Variants in COA8 observed in about 807,000 individuals in gnomAD.
COA8 encodes the protein cytochrome c oxidase assembly factor 8.
In COA8, 20 loss-of-function variants were observed where a neutral mutation model predicts 22.0. The ratio of observed to expected loss-of-function variants is 0.91; its 90% CI spans 0.64 to 1.32. The LOEUF is 1.32. COA8 is among the 40% of genes most tolerant of loss of function. COA8 has a pLI of 0.00. For synonymous variants in COA8, 105 were observed against 79.9 expected (o/e 1.31, Z -1.68); for missense variants, 266 against 230.0 (o/e 1.16, Z -1.01).
At position 103,562,981 on chromosome 14, in the gene COA8, G is replaced by T; in HGVS notation, c.-21G>T. 1.3e-6 allele frequency: 2 copies of T among 1,528,528 alleles called. No individual in the cohort carries two copies. Among genetic ancestry groups the T allele is most frequent in the Middle Eastern group, 2.0e-4 (1 of 5,032 alleles). 94.7% of individuals were successfully genotyped at this position (1,528,528 alleles called of 1,614,324 possible). The stretch of plus-strand genomic sequence containing the variant: ...CGTCGCAATGCTGCCGTGCGCCGCG[G>T]GAGCCAGGGGGCGTGGGGCCATGGT... On this transcript the variant is annotated 5_prime_UTR_variant, in exon 1 of 5. It introduces an in-frame stop codon into an upstream open reading frame of the 5' UTR. Transcript: ENST00000409074.
At chr14:103,582,388 T>C (rs1045116869) in intron 3 of COA8, among the ~76,000 whole-genome samples, 1 of 151,248 alleles carries the variant, frequency 6.6e-6, no homozygotes, top group African/African-American at 2.4e-5. Flanking sequence ...CTCTTGCGTG[T>C]GGGTGAGCCT....
chr14:103,566,653 C>T (rs746224369), intron 1 of COA8, among the ~76,000 whole-genome samples: 2 of 152,224 alleles, frequency 1.3e-5, no homozygotes, highest in Admixed American at 6.5e-5. Flanking sequence ...CAGGCAGGAG[C>T]TCTGCATGCT....
intron 4 of COA8, among the ~76,000 whole-genome samples, chr14:103,588,933 TTC>T (rs1234523569): frequency 1.3e-5 from 2 of 152,218 alleles, no homozygotes; most frequent in African/African-American, 2.4e-5. Flanking sequence ...TGGATTCCAT[TTC>T]TAAGGTTGTC....
intron 1 of COA8, among the ~76,000 whole-genome samples, chr14:103,567,973 A>C (rs2076147240): frequency 6.6e-6 from 1 of 151,898 alleles, no homozygotes; most frequent in African/African-American, 2.4e-5. Flanking sequence ...TCCTTCTTTT[A>C]TATTGCTGGA....
chr14:103,586,788 C>CA (rs1285405403), intron 3 of COA8, among the ~76,000 whole-genome samples: 4 of 151,826 alleles, frequency 2.6e-5, no homozygotes, highest in Admixed American at 6.6e-5. Context: ...CAGCTGGTCT[C>CA]AAACTCCTGA....
intron 1 of COA8, among the ~76,000 whole-genome samples, chr14:103,568,577 GTGTA>G (rs1340048772): frequency 2.5e-4 from 21 of 84,370 alleles, no homozygotes; most frequent in South Asian, 8.9e-4. Context: ...ATACGTGTGT[GTGTA>G]TATATATATA....
rs200592416 is a variant in COA8, at chr14:103,563,516, AAGCGGCG to A, written c.123+396_123+402del. On this transcript the variant is annotated intron_variant, in intron 1 of 4. Transcript: ENST00000409074. ...GTTACAATTATTAGTGCTTTTCTTCAAGCGGCGAGCACTTTATCATCGTACTTTTGTA... is the reference window on the plus strand; with the variant it reads ...GTTACAATTATTAGTGCTTTTCTTCAAGCACTTTATCATCGTACTTTTGTA... 1,175 of 356,732 alleles carry A rather than the reference AAGCGGCG, an allele frequency of 3.3e-3. 13 individuals carry two copies. The highest frequency in any genetic ancestry group is 0.023 in the African/African-American group (1,088 of 46,698). 22.1% of individuals were successfully genotyped at this position (356,732 alleles called of 1,614,324 possible). A position where few individuals can be genotyped will look rare whatever the true frequency, so the allele number is the denominator to read the frequency against.
intron 4 of COA8, among the ~76,000 whole-genome samples, chr14:103,589,196 A>G (rs1282893300): frequency 6.6e-6 from 1 of 152,126 alleles, no homozygotes; most frequent in East Asian, 1.9e-4. Flanking sequence ...CATGTCATAG[A>G]ATCAGGTCGT....
intron 1 of COA8, among the ~76,000 whole-genome samples, chr14:103,568,450 CACATACAT>C (rs540646177): frequency 6.6e-6 from 1 of 151,792 alleles, no homozygotes; most frequent in Non-Finnish European, 1.5e-5. Context: ...TATATACACA[CACATACAT>C]ACATACATAC....
At chr14:103,584,672 C>G (rs930769900) in intron 3 of COA8, among the ~76,000 whole-genome samples, 4 of 152,108 alleles carry the variant, frequency 2.6e-5, no homozygotes, top group Non-Finnish European at 5.9e-5. Flanking sequence ...TCTCTACATC[C>G]TTGTCAACAC....
At position 103,581,480 on chromosome 14, in the gene COA8, T is replaced by C. The variant is rs58810431; in HGVS notation, c.386-5794T>C. On this transcript the variant is annotated intron_variant, in intron 3 of 4. Coordinates refer to ENST00000409074, the MANE Select transcript of COA8 (RefSeq NM_001370595.2). This position sits in a 1 kb window ranked among gnomAD's most constrained non-coding sequence, Gnocchi z 4.1. ...TCCTGGGCTGGTCGGAGTAGGACCT[T>C]GGGAGGTTTCATCACGCTACTCAGA... 3.9e-3 allele frequency: 1,534 copies of C among 394,000 alleles called. 24 individuals carry two copies. The highest frequency in any genetic ancestry group is 0.029 in the African/African-American group (1,417 of 48,528). 24.4% of individuals were successfully genotyped at this position (394,000 alleles called of 1,614,324 possible). A position where few individuals can be genotyped will look rare whatever the true frequency, so the allele number is the denominator to read the frequency against.
chr14:103,580,005 C>T (rs956052256), intron 3 of COA8, among the ~76,000 whole-genome samples: 2 of 147,582 alleles, frequency 1.4e-5, no homozygotes, highest in Admixed American at 1.4e-4. Context: ...ACTGTTCATA[C>T]AGCATTTACA....
chr14:103,580,394 C>T (rs914608524), intron 3 of COA8, among the ~76,000 whole-genome samples: 9 of 151,180 alleles, frequency 6.0e-5, no homozygotes, highest in Non-Finnish European at 8.9e-5. Context: ...CTGCAGCTTC[C>T]GCCTCTGGGT....
intron 3 of COA8, chr14:103,574,731 C>T (rs999991933): frequency 2.2e-5 from 6 of 276,866 alleles, no homozygotes; most frequent in Admixed American, 1.5e-4. Flanking sequence ...GAGTCACCCC[C>T]ATGCCAGGAC....
chr14:103,578,137 T>A (rs1041180738), intron 3 of COA8, among the ~76,000 whole-genome samples: 2 of 151,402 alleles, frequency 1.3e-5, no homozygotes, highest in African/African-American at 4.9e-5. Flanking sequence ...GAGGCTGCAG[T>A]GAGCCGAGAT....
intron 3 of COA8, among the ~76,000 whole-genome samples, chr14:103,576,124 G>A (rs1447025512): frequency 6.6e-6 from 1 of 152,148 alleles, no homozygotes. Context: ...TGATCAACAT[G>A]GTGAAACCCC....
In COA8 at chr14:103,581,457, C is replaced by T. The variant is rs1484700411; in HGVS notation, c.386-5817C>T. ...GCTGGACAGAGGGAGGAGTCGCCTC[C>T]TGGGCTGGTCGGAGTAGGACCTTGG... On this transcript the variant is annotated intron_variant, in intron 3 of 4. Transcript: ENST00000409074. This position sits in a 1 kb window ranked among gnomAD's most constrained non-coding sequence, Gnocchi z 4.1. 2 of 392,996 alleles carry T rather than the reference C, an allele frequency of 5.1e-6. No individual in the cohort carries two copies. The highest frequency in any genetic ancestry group is 4.5e-6 in the Non-Finnish European group (1 of 223,202). The allele number at this position is 392,996 out of a possible 1,614,324, so 24.3% of individuals were successfully genotyped here.
At position 103,590,733 on chromosome 14, in the gene COA8, A is replaced by G. The variant is rs1435353153; in HGVS notation, c.*447A>G. ...AAATTAGCTGGGTGTGGTGGCACGC[A>G]CCTGTAATCCCAGCTGCTCTGGAGG... is the stretch of plus-strand genomic sequence containing the variant. On this transcript the variant is annotated 3_prime_UTR_variant, in exon 5 of 5. Transcript: ENST00000409074. 6.5e-6 allele frequency: 1 copy of G among 154,932 alleles called. No homozygotes were observed. 9.6% of individuals were successfully genotyped at this position (154,932 alleles called of 1,614,324 possible). A position where few individuals can be genotyped will look rare whatever the true frequency, so the allele number is the denominator to read the frequency against.
chr14:103,590,485 T>A lies in COA8; in HGVS notation c.*199T>A. 1 of 539,818 alleles carries A rather than the reference T, an allele frequency of 1.9e-6. No homozygotes were observed. The highest frequency in any genetic ancestry group is 1.9e-5 in the African/African-American group (1 of 51,854). The allele number at this position is 539,818 out of a possible 1,614,324, so 33.4% of individuals were successfully genotyped here. A position where few individuals can be genotyped will look rare whatever the true frequency, so the allele number is the denominator to read the frequency against. The stretch of plus-strand genomic sequence containing the variant: ...CTGCTGATGTGGGCTCTAGGCCAGC[T>A]TGTTGTCACGTACGTGGTGTGAAAT... On this transcript the variant is annotated 3_prime_UTR_variant, in exon 5 of 5. Transcript: ENST00000409074.
Sources: allele counts gnomAD v4.1 joint callset (sites outside exome capture counted in the v4.1 genomes callset), GRCh38; gene constraint gnomAD v4.1.1; non-coding constraint Gnocchi (gnomAD v3.1); transcripts MANE v1.5; gene names NCBI Gene and HGNC (gene_info 2026-07-23, HGNC 2026-07-21).